PAK1: variants seen among roughly 807,000 people sequenced by gnomAD.
PAK1 encodes the protein p21 (RAC1) activated kinase 1, also known as serine/threonine-protein kinase PAK 1.
A neutral mutation model predicts 67.4 loss-of-function variants in PAK1; 29 were observed. That is an observed-to-expected ratio of 0.43 (90% CI 0.32 to 0.59). PAK1 has a LOEUF of 0.59. Ranked by LOEUF, PAK1 falls within the 20% of genes least tolerant of loss-of-function variation. The pLI is 0.07. For missense variants in PAK1, 337 were observed against 670.7 expected (o/e 0.50, Z 5.50); for synonymous variants, 223 against 237.4 (o/e 0.94, Z 0.56).
chr11:77,380,043 T>C (rs1176925712), intron 2 of PAK1, 49 bp from the exon 3 acceptor site: 1 of 1,436,006 alleles, frequency 7.0e-7, no homozygotes. Context: ...ACATTATTGT[T>C]TTTAGGCTTA....
intron 5 of PAK1, among the ~76,000 whole-genome samples, chr11:77,369,752 T>C (rs1448520137): frequency 1.3e-5 from 2 of 152,158 alleles, no homozygotes; most frequent in African/African-American, 2.4e-5. Context: ...CAGCCATAAA[T>C]TTATGTCTTA....
intron 4 of PAK1, among the ~76,000 whole-genome samples, chr11:77,377,761 G>C (rs1949288976): frequency 1.3e-5 from 2 of 152,158 alleles, no homozygotes; most frequent in Admixed American, 1.3e-4. Context: ...TGGCCACTGA[G>C]GTTTTCAAAG....
At chr11:77,527,605 C>T in the PAK1 span, among the ~76,000 whole-genome samples, 1 of 152,322 alleles carries the variant, frequency 6.6e-6, no homozygotes, top group East Asian at 1.9e-4. Context: ...TCACACCTTT[C>T]TGATTCCAAA....
intron 5 of PAK1, among the ~76,000 whole-genome samples, chr11:77,373,005 G>A (rs997911395): frequency 6.6e-6 from 1 of 152,174 alleles, no homozygotes; most frequent in Non-Finnish European, 1.5e-5. Flanking sequence ...TTAGCATGCT[G>A]CACTATAATT....
At chr11:77,454,205 C>T (rs968297581) in intron 1 of PAK1, among the ~76,000 whole-genome samples, 1 of 152,174 alleles carries the variant, frequency 6.6e-6, no homozygotes, top group African/African-American at 2.4e-5. Flanking sequence ...ATTGTCTCAA[C>T]ACCCCAGTGG....
the PAK1 span, among the ~76,000 whole-genome samples, chr11:77,489,935 C>T: frequency 5.9e-5 from 9 of 152,056 alleles, no homozygotes; most frequent in African/African-American, 1.9e-4. Context: ...AGGAGCCCCT[C>T]TGCCCAGCTG....
the PAK1 span, among the ~76,000 whole-genome samples, chr11:77,526,329 TG>T: frequency 1.3e-5 from 2 of 152,120 alleles, no homozygotes; most frequent in Admixed American, 1.3e-4. Flanking sequence ...AAATAACGTG[TG>T]GAGGGACATT....
the PAK1 span, among the ~76,000 whole-genome samples, chr11:77,500,896 G>A: frequency 6.6e-6 from 1 of 152,092 alleles, no homozygotes; most frequent in East Asian, 1.9e-4. Context: ...CAGCCAGCTA[G>A]CCTCTGGGCT....
intron 2 of PAK1, among the ~76,000 whole-genome samples, chr11:77,389,510 C>T (rs1023064785): frequency 1.3e-5 from 2 of 152,190 alleles, no homozygotes; most frequent in African/African-American, 4.8e-5. Flanking sequence ...TTCTCCACAT[C>T]CTCACTAACA....
chr11:77,340,336 A>C (rs1943403527), intron 11 of PAK1, among the ~76,000 whole-genome samples: 1 of 152,240 alleles, frequency 6.6e-6, no homozygotes, highest in African/African-American at 2.4e-5. Context: ...AAAGAGATAA[A>C]GGAATATATT....
chr11:77,349,569 C>G (rs1176825976), intron 8 of PAK1: 1 of 394,482 alleles, frequency 2.5e-6, no homozygotes, highest in Admixed American at 3.6e-5. Flanking sequence ...TTGAGCTTCA[C>G]TTTCCTCATT....
At chr11:77,408,739 C>A (rs1339509329) in intron 1 of PAK1, among the ~76,000 whole-genome samples, 1 of 151,982 alleles carries the variant, frequency 6.6e-6, no homozygotes, top group African/African-American at 2.4e-5. Flanking sequence ...ATCCATCTGA[C>A]AAAGGATTAA....
At chr11:77,328,952 A>G (rs1301482587) in intron 14 of PAK1, among the ~76,000 whole-genome samples, 2 of 152,222 alleles carry the variant, frequency 1.3e-5, no homozygotes, top group Non-Finnish European at 1.5e-5. Flanking sequence ...TAAAGGGGAG[A>G]TCACCACCGA....
chr11:77,477,107 A>T (rs1490795262), upstream of PAK1: 1 of 152,276 alleles, frequency 6.6e-6, no homozygotes, highest in Non-Finnish European at 1.5e-5. Flanking sequence ...GCTCTATGCT[A>T]GGAATTGCTA....
At chr11:77,487,766 T>C in the PAK1 span, among the ~76,000 whole-genome samples, 1 of 152,262 alleles carries the variant, frequency 6.6e-6, no homozygotes, top group Middle Eastern at 3.4e-3. Flanking sequence ...TCAGTCACAG[T>C]AGAATAGAGC....
At chr11:77,429,056 TAAAAAAAAAAAAAA>T (rs566874549) in intron 1 of PAK1, among the ~76,000 whole-genome samples, 745 of 48,886 alleles carry the variant, frequency 0.015, 2 homozygotes, top group South Asian at 0.036. Flanking sequence ...CATTTAATAC[TAAAAAAAAAAAAAA>T]AAAAAAAAAA....
intron 1 of PAK1, among the ~76,000 whole-genome samples, chr11:77,432,820 CA>C (rs1227043774): frequency 7.0e-6 from 1 of 143,336 alleles, no homozygotes; most frequent in Non-Finnish European, 1.6e-5. Flanking sequence ...ATGAACAATC[CA>C]AAAACTGAAA....
At chr11:77,378,960 C>T (rs1168694795) in intron 4 of PAK1, among the ~76,000 whole-genome samples, 1 of 152,122 alleles carries the variant, frequency 6.6e-6, no homozygotes, top group African/African-American at 2.4e-5. Flanking sequence ...CTGGTAGAAC[C>T]TAGTAAAGGT....
At chr11:77,427,232 C>A (rs147523953) in intron 1 of PAK1, among the ~76,000 whole-genome samples, 1 of 152,306 alleles carries the variant, frequency 6.6e-6, no homozygotes, top group African/African-American at 2.4e-5. Context: ...CAGGGATAGG[C>A]TGTCAGGAGA....
Sources: allele counts gnomAD v4.1 joint callset (sites outside exome capture counted in the v4.1 genomes callset), GRCh38; gene constraint gnomAD v4.1.1; transcripts MANE v1.5; gene names NCBI Gene and HGNC (gene_info 2026-07-23, HGNC 2026-07-21).